CAMTA1: variants seen among roughly 807,000 people sequenced by gnomAD.
CAMTA1 encodes the protein calmodulin binding transcription activator 1.
In CAMTA1, 27 loss-of-function variants were observed where a neutral mutation model predicts 170.9. The ratio of observed to expected loss-of-function variants is 0.16; its 90% CI spans 0.12 to 0.22. The LOEUF is 0.22. Ranked by LOEUF, CAMTA1 falls within the 10% of genes least tolerant of loss-of-function variation. The pLI is 1.00. For synonymous variants in CAMTA1, 833 were observed against 891.5 expected (o/e 0.93, Z 1.17); for missense variants, 1,619 against 2,217.2 (o/e 0.73, Z 5.42).
intron 9 of CAMTA1, among the ~76,000 whole-genome samples, chr1:7,666,996 C>T (rs2096007335): frequency 6.6e-6 from 1 of 152,158 alleles, no homozygotes; most frequent in South Asian, 2.1e-4. Flanking sequence ...TCAAGCGATT[C>T]TCCTGCCTCA....
chr1:7,651,584 C>A (rs1056588113), intron 7 of CAMTA1, among the ~76,000 whole-genome samples: 1 of 152,252 alleles, frequency 6.6e-6, no homozygotes, highest in African/African-American at 2.4e-5. Context: ...GGCAGGACTG[C>A]GGAGCAGAGA....
At chr1:7,130,564 C>T (rs1645190335) in intron 4 of CAMTA1, among the ~76,000 whole-genome samples, 1 of 152,138 alleles carries the variant, frequency 6.6e-6, no homozygotes, top group Non-Finnish European at 1.5e-5. Context: ...TGTCATTTTA[C>T]TTTTCTTCCA....
chr1:6,902,903 A>G (rs1164052134), intron 3 of CAMTA1, among the ~76,000 whole-genome samples: 1 of 152,234 alleles, frequency 6.6e-6, no homozygotes, highest in Non-Finnish European at 1.5e-5. Flanking sequence ...CTTGATTGGC[A>G]GGTTTTCTTT....
intron 5 of CAMTA1, among the ~76,000 whole-genome samples, chr1:7,316,148 TC>T (rs751771324): frequency 6.6e-6 from 1 of 152,110 alleles, no homozygotes; most frequent in Non-Finnish European, 1.5e-5. Context: ...CCTGCGGTGA[TC>T]CAATTACCTC....
intron 2 of CAMTA1, among the ~76,000 whole-genome samples, chr1:6,822,551 G>A (rs1646613653): frequency 1.3e-5 from 2 of 152,106 alleles, no homozygotes; most frequent in Non-Finnish European, 2.9e-5. Context: ...TTCTGGAAAT[G>A]GTACACTTTA....
intron 3 of CAMTA1, among the ~76,000 whole-genome samples, chr1:6,961,825 C>A (rs1572054817): frequency 6.6e-6 from 1 of 152,184 alleles, no homozygotes; most frequent in African/African-American, 2.4e-5. Context: ...CCGGGCTTGC[C>A]CCCAGCCTCT....
intron 3 of CAMTA1, among the ~76,000 whole-genome samples, chr1:6,881,794 T>C (rs897374873): frequency 1.3e-5 from 2 of 152,002 alleles, no homozygotes; most frequent in African/African-American, 4.8e-5. Context: ...AATGAAACCC[T>C]GTCACTACTA....
At chr1:7,367,420 T>C (rs1036438887) in intron 5 of CAMTA1, among the ~76,000 whole-genome samples, 2 of 152,274 alleles carry the variant, frequency 1.3e-5, no homozygotes, top group African/African-American at 4.8e-5. Context: ...ACTTCCTTCC[T>C]GTCATAACAC....
chr1:7,563,633 G>A (rs1054492971), intron 6 of CAMTA1, among the ~76,000 whole-genome samples: 3 of 152,258 alleles, frequency 2.0e-5, no homozygotes, highest in African/African-American at 4.8e-5. Context: ...CAGCCAGTGC[G>A]TTTGCTCACG....
chr1:7,126,306 A>G (rs1644930067), intron 4 of CAMTA1, among the ~76,000 whole-genome samples: 1 of 152,134 alleles, frequency 6.6e-6, no homozygotes, highest in African/African-American at 2.4e-5. Flanking sequence ...CTCAGATGGA[A>G]CGGCCCTGAT....
chr1:7,211,949 C>T (rs986246225), intron 4 of CAMTA1, among the ~76,000 whole-genome samples: 2 of 152,314 alleles, frequency 1.3e-5, no homozygotes, highest in East Asian at 3.9e-4. Context: ...CCTAGCCGTT[C>T]ATCTTTCCAT....
chr1:7,357,651 A>G (rs2085223169), intron 5 of CAMTA1, among the ~76,000 whole-genome samples: 1 of 151,694 alleles, frequency 6.6e-6, no homozygotes, highest in African/African-American at 2.4e-5. Context: ...GGCCCTGGAA[A>G]GCCATAGAAG....
chr1:7,085,735 G>A (rs1403921381), intron 3 of CAMTA1, among the ~76,000 whole-genome samples: 2 of 152,256 alleles, frequency 1.3e-5, no homozygotes. Flanking sequence ...AGCCCCCATG[G>A]GGCAGCCTCT....
chr1:6,796,184 G>A (rs1410774951), intron 1 of CAMTA1, among the ~76,000 whole-genome samples: 7 of 123,610 alleles, frequency 5.7e-5, no homozygotes, highest in Non-Finnish European at 1.1e-4. Context: ...GTGTCACTCA[G>A]TCTGGAGTGC....
At chr1:7,484,326 C>T (rs999721816) in intron 6 of CAMTA1, among the ~76,000 whole-genome samples, 4 of 152,172 alleles carry the variant, frequency 2.6e-5, no homozygotes, top group South Asian at 2.1e-4. Context: ...CTGATGCAGC[C>T]GCAAGGTCAG....
intron 4 of CAMTA1, among the ~76,000 whole-genome samples, chr1:7,152,242 C>A (rs948533856): frequency 3.9e-5 from 6 of 152,178 alleles, no homozygotes; most frequent in African/African-American, 1.4e-4. Context: ...GGCCTTGGAG[C>A]CCTTTGTCTC....
chr1:7,075,288 C>T (rs1048242989), intron 3 of CAMTA1, among the ~76,000 whole-genome samples: 1 of 152,266 alleles, frequency 6.6e-6, no homozygotes, highest in African/African-American at 2.4e-5. Context: ...AATGTTAGTT[C>T]ATGTTATAAC....
At chr1:7,260,428 A>G (rs1668000519) in intron 5 of CAMTA1, among the ~76,000 whole-genome samples, 1 of 152,234 alleles carries the variant, frequency 6.6e-6, no homozygotes, top group South Asian at 2.1e-4. Context: ...CAGCCTGAAA[A>G]CATTAGGCAA....
intron 4 of CAMTA1, among the ~76,000 whole-genome samples, chr1:7,108,747 A>T (rs369986331): frequency 6.6e-6 from 1 of 152,218 alleles, no homozygotes; most frequent in Non-Finnish European, 1.5e-5. Context: ...TTAGTTACCT[A>T]TTGCGCTAAT....
Sources: gnomAD v4.1 joint callset for allele counts (sites outside exome capture counted in the v4.1 genomes callset) on GRCh38, gnomAD v4.1.1 for gene constraint, MANE v1.5 for transcripts, NCBI Gene and HGNC (gene_info 2026-07-23, HGNC 2026-07-21) for gene names.